Variants in HPSE2 observed in about 807,000 individuals in gnomAD.
HPSE2 encodes the protein inactive heparanase-2.
In HPSE2, 38 loss-of-function variants were observed where a neutral mutation model predicts 60.5. The observed-to-expected ratio is 0.63, with a 90% CI of 0.48 to 0.82. HPSE2 has a LOEUF of 0.82. Among genes scored for constraint, HPSE2 ranks in the 40% least tolerant of loss-of-function variants. The probability of loss-of-function intolerance (pLI) is 0.00; values close to 1 mark genes in which losing one functional copy is unlikely to be tolerated. For synonymous variants in HPSE2, 295 were observed against 293.2 expected (o/e 1.01, Z -0.06); for missense variants, 713 against 740.4 (o/e 0.96, Z 0.43).
intron 3 of HPSE2, among the ~76,000 whole-genome samples, chr10:98,867,221 G>A (rs574381781): frequency 4.6e-4 from 68 of 149,198 alleles, no homozygotes; most frequent in African/African-American, 1.6e-3. Flanking sequence ...ATTTTGGGGA[G>A]AAAATACTTG....
intron 3 of HPSE2, among the ~76,000 whole-genome samples, chr10:98,908,974 T>C (rs1953904443): frequency 6.6e-6 from 1 of 152,126 alleles, no homozygotes; most frequent in South Asian, 2.1e-4. Context: ...GGTGATAGAA[T>C]GTGGGTGGGA....
intron 7 of HPSE2, among the ~76,000 whole-genome samples, chr10:98,640,944 A>G (rs1946622169): frequency 6.6e-6 from 1 of 152,206 alleles, no homozygotes; most frequent in Non-Finnish European, 1.5e-5. Context: ...GTGAAATTAG[A>G]AACTTTAGTG....
chr10:98,862,722 G>A (rs1038487382), intron 3 of HPSE2, among the ~76,000 whole-genome samples: 1 of 152,152 alleles, frequency 6.6e-6, no homozygotes, highest in Non-Finnish European at 1.5e-5. Flanking sequence ...AAGGAGGGGC[G>A]ATTAGGACTC....
chr10:98,876,570 C>T (rs1297300390), intron 3 of HPSE2, among the ~76,000 whole-genome samples: 2 of 151,826 alleles, frequency 1.3e-5, no homozygotes, highest in Non-Finnish European at 2.9e-5. Flanking sequence ...TTCTATTTTA[C>T]TTTTTAAGGA....
intron 3 of HPSE2, among the ~76,000 whole-genome samples, chr10:99,053,123 AT>A (rs1274459635): frequency 2.6e-5 from 4 of 151,924 alleles, no homozygotes; most frequent in Non-Finnish European, 5.9e-5. Context: ...TTTATAATTT[AT>A]TTTTACCACA....
At chr10:98,569,907 C>A (rs1018578877) in intron 9 of HPSE2, among the ~76,000 whole-genome samples, 13 of 152,198 alleles carry the variant, frequency 8.5e-5, no homozygotes, top group African/African-American at 3.1e-4. Flanking sequence ...AAACAACTGC[C>A]ACAAATTAAA....
intron 8 of HPSE2, among the ~76,000 whole-genome samples, chr10:98,618,914 A>G (rs1945996547): frequency 1.3e-5 from 2 of 152,140 alleles, no homozygotes; most frequent in Non-Finnish European, 2.9e-5. Context: ...TAACCACACT[A>G]TATCAAAGGT....
At chr10:98,997,813 A>T (rs1223940548) in intron 3 of HPSE2, among the ~76,000 whole-genome samples, 1 of 152,242 alleles carries the variant, frequency 6.6e-6, no homozygotes, top group Non-Finnish European at 1.5e-5. Flanking sequence ...TAGGACAGGA[A>T]GTAAAGAATT....
intron 3 of HPSE2, among the ~76,000 whole-genome samples, chr10:99,098,870 G>A (rs181399752): frequency 5.3e-4 from 80 of 152,196 alleles, no homozygotes; most frequent in Admixed American, 5.0e-3. Context: ...AAAGTGCTAC[G>A]GTTCTCATAA....
intron 3 of HPSE2, among the ~76,000 whole-genome samples, chr10:98,954,736 T>C (rs1189573565): frequency 6.6e-6 from 1 of 152,080 alleles, no homozygotes; most frequent in African/African-American, 2.4e-5. Context: ...TCCATTTGAT[T>C]TGAGGCAACA....
intron 6 of HPSE2, among the ~76,000 whole-genome samples, chr10:98,672,989 T>C (rs1439753726): frequency 6.6e-6 from 1 of 152,194 alleles, no homozygotes; most frequent in East Asian, 1.9e-4. Context: ...TGCATGATTT[T>C]CCCAGATGCT....
At chr10:98,705,627 C>T (rs1589676972) in intron 5 of HPSE2, among the ~76,000 whole-genome samples, 1 of 152,066 alleles carries the variant, frequency 6.6e-6, no homozygotes, top group African/African-American at 2.4e-5. Flanking sequence ...AAGCCGGAAG[C>T]CATTATCCTC....
At chr10:98,675,732 C>G (rs1947624189) in intron 6 of HPSE2, among the ~76,000 whole-genome samples, 1 of 152,056 alleles carries the variant, frequency 6.6e-6, no homozygotes, top group Non-Finnish European at 1.5e-5. Flanking sequence ...AGACCCCTAT[C>G]TAAGAAAGAA....
chr10:99,088,629 C>G (rs1466226247), intron 3 of HPSE2, among the ~76,000 whole-genome samples: 1 of 152,168 alleles, frequency 6.6e-6, no homozygotes, highest in East Asian at 1.9e-4. Context: ...GCGGGTTCCA[C>G]ATTTTTGCAA....
rs775970438 is a variant in HPSE2 at position 98,641,917 on chromosome 10, A to T, written c.1028T>A (p.Val343Asp). 1 of 1,613,758 alleles carries T rather than the reference A, an allele frequency of 6.2e-7. No homozygotes were observed. The highest frequency in any genetic ancestry group is 2.2e-5 in the East Asian group (1 of 44,866). Reference protein sequence around the residue: ...WQHCYIDGRVVKVMDFLKTRL... With the variant: ...WQHCYIDGRVDKVMDFLKTRL... ...AGTTTTCAGGAAGTCCATCACCTTG[A>T]CCACCCGGCCATCAATGTAGCAACT... The change falls in exon 7 of 12, where the codon GTC becomes GAC. Residue 343 changes from valine to aspartate, a missense_variant. Transcript: ENST00000370552.
intron 3 of HPSE2, among the ~76,000 whole-genome samples, chr10:98,984,886 T>A (rs938260617): frequency 2.0e-5 from 3 of 152,108 alleles, no homozygotes; most frequent in Non-Finnish European, 4.4e-5. Flanking sequence ...GAAGAAAGGG[T>A]ATCAGTGATG....
At chr10:98,606,586 A>G (rs900623467) in intron 9 of HPSE2, among the ~76,000 whole-genome samples, 1 of 152,240 alleles carries the variant, frequency 6.6e-6, no homozygotes, top group Non-Finnish European at 1.5e-5. Flanking sequence ...AATTTAGGGT[A>G]AATAAAAATG....
chr10:98,655,260 A>G (rs1290297597), intron 6 of HPSE2, among the ~76,000 whole-genome samples: 1 of 151,836 alleles, frequency 6.6e-6, no homozygotes, highest in Non-Finnish European at 1.5e-5. Context: ...TGCTATGGTC[A>G]TATTTCACAA....
chr10:98,461,940 T>C, intron 11 of HPSE2: 1 of 770,890 alleles, frequency 1.3e-6, no homozygotes, highest in Non-Finnish European at 2.3e-6. Flanking sequence ...AAGCTAAGAG[T>C]AGAACCAGGA....
Sources: gnomAD v4.1 joint callset for allele counts (sites outside exome capture counted in the v4.1 genomes callset) on GRCh38, gnomAD v4.1.1 for gene constraint, MANE v1.5 for transcripts, NCBI Gene and HGNC (gene_info 2026-07-23, HGNC 2026-07-21) for gene names.